The following N4BP2L2 variants were observed in gnomAD, a reference collection of about 807,000 sequenced individuals.
The protein encoded by N4BP2L2 is NEDD4 binding protein 2 like 2.
Under a neutral mutation model 56.2 loss-of-function variants are expected in N4BP2L2, and 50 were observed. The ratio of observed to expected loss-of-function variants is 0.89; its 90% CI spans 0.71 to 1.13. N4BP2L2 has a LOEUF of 1.13. N4BP2L2 is among the 50% of genes most tolerant of loss of function. The pLI is 0.00. For missense variants in N4BP2L2, 689 were observed against 693.8 expected, an observed-to-expected ratio of 0.99 and a Z score of 0.08; for synonymous variants, 203 against 223.6, an observed-to-expected ratio of 0.91 and a Z score of 0.82.
exon 7 of N4BP2L2, chr13:32,442,975 T>C: frequency 1.2e-6 from 2 of 1,613,806 alleles, no homozygotes; most frequent in South Asian, 2.2e-5. Context: ...TAGTCCATGG[T>C]TTTTTGTTAA....
chr13:32,521,282 A>T, intron 5 of N4BP2L2, 91 bp downstream of exon 5: 1 of 1,033,756 alleles, frequency 9.7e-7, no homozygotes, highest in Non-Finnish European at 1.5e-6. Context: ...TCCTGAACCT[A>T]CATTTGTATT....
chr13:32,468,235 C>A (rs934607833), intron 6 of N4BP2L2, among the ~76,000 whole-genome samples: 6 of 123,336 alleles, frequency 4.9e-5, no homozygotes, highest in South Asian at 2.5e-4. Flanking sequence ...ACATTGGAAA[C>A]AACATTGAAG....
At chr13:32,442,475 T>C (rs199935779) in exon 7 of N4BP2L2, 129 of 1,613,424 alleles carry the variant, frequency 8.0e-5, no homozygotes, top group Admixed American at 3.3e-5. Flanking sequence ...CGGTAGTCAG[T>C]GCTTGTTAAG....
chr13:32,452,069 T>C (rs766005368), intron 6 of N4BP2L2, among the ~76,000 whole-genome samples: 5 of 65,018 alleles, frequency 7.7e-5, no homozygotes, highest in East Asian at 3.4e-3. Context: ...TTTTCTTTTT[T>C]TTTTTTTTTG....
At chr13:32,459,049 C>A (rs918434108) in intron 6 of N4BP2L2, among the ~76,000 whole-genome samples, 13 of 152,088 alleles carry the variant, frequency 8.5e-5, no homozygotes, top group African/African-American at 2.9e-4. Flanking sequence ...ACCTTTGGGT[C>A]AACAAAATTA....
chr13:32,437,047 A>AT (rs1326250290), intron 8 of N4BP2L2, among the ~76,000 whole-genome samples: 1 of 151,528 alleles, frequency 6.6e-6, no homozygotes, highest in Non-Finnish European at 1.5e-5. Flanking sequence ...CACACGGCTA[A>AT]TTTTTTTGTG....
chr13:32,466,466 C>T (rs1279352344), intron 6 of N4BP2L2, among the ~76,000 whole-genome samples: 1 of 151,966 alleles, frequency 6.6e-6, no homozygotes, highest in East Asian at 1.9e-4. Context: ...ACTCCAGAGG[C>T]TGAGGCACAA....
chr13:32,442,663 C>T (rs2076552583), exon 7 of N4BP2L2: 1 of 1,613,742 alleles, frequency 6.2e-7, no homozygotes, highest in South Asian at 1.1e-5. Flanking sequence ...ATTACCTACT[C>T]TTGTCTGAGA....
chr13:32,443,107 T>C (rs780402195), exon 7 of N4BP2L2: 1 of 1,610,592 alleles, frequency 6.2e-7, no homozygotes, highest in African/African-American at 1.3e-5. Flanking sequence ...TTCTAAGGCA[T>C]TCTTTGGTAT....
In N4BP2L2 at chr13:32,443,758, A is replaced by T. The variant is rs1408257002; in HGVS notation, c.734T>A (p.Leu245Ter). 1 of 1,572,376 alleles carries T rather than the reference A, an allele frequency of 6.4e-7. No individual in the cohort carries two copies. The highest frequency in any genetic ancestry group is 2.2e-5 in the East Asian group (1 of 44,518). Residue 245 changes from leucine to a stop codon, truncating the protein, a stop_gained, in exon 7 of 10, where the codon TTG (leucine) becomes TAG (stop). Coordinates refer to the N4BP2L2 transcript ENST00000357505. LOFTEE classifies it high-confidence loss of function. ...TGGCCTCAGTAACAAACTTACAAAC[A>T]AGTTATCACCTTCCTTAGAGAGGTA...
chr13:32,446,356 T>C (rs1403165359), intron 6 of N4BP2L2: 7 of 1,365,166 alleles, frequency 5.1e-6, no homozygotes, highest in Non-Finnish European at 5.9e-6. Flanking sequence ...TGGCCAGTTC[T>C]ACCTGATTCC....
exon 7 of N4BP2L2, chr13:32,442,874 G>C (rs752906938): frequency 6.2e-7 from 1 of 1,613,194 alleles, no homozygotes; most frequent in Middle Eastern, 1.6e-4. Flanking sequence ...AACCACAATG[G>C]ATGATGATCA....
chr13:32,529,755 C>T (rs907269453), intron 2 of N4BP2L2, among the ~76,000 whole-genome samples: 8 of 149,884 alleles, frequency 5.3e-5, no homozygotes, highest in African/African-American at 9.8e-5. Flanking sequence ...GACAAGAGTC[C>T]GACTCTATTG....
chr13:32,495,332 G>A (rs777266714), intron 6 of N4BP2L2, among the ~76,000 whole-genome samples: 85 of 152,224 alleles, frequency 5.6e-4, no homozygotes, highest in Non-Finnish European at 1.2e-3. Flanking sequence ...CCATCAACAG[G>A]TTAAGGACTG....
intron 6 of N4BP2L2, among the ~76,000 whole-genome samples, chr13:32,458,469 A>C (rs2079390622): frequency 6.6e-6 from 1 of 152,252 alleles, no homozygotes. Context: ...TAGACATTCC[A>C]TGCAAATGGA....
At chr13:32,450,636 G>GT (rs71071044) in intron 6 of N4BP2L2, among the ~76,000 whole-genome samples, 6 of 148,024 alleles carry the variant, frequency 4.1e-5, no homozygotes, top group Admixed American at 6.7e-5. Context: ...TTTTGTTTTT[G>GT]TTTTTTTTTT....
chr13:32,492,671 A>G (rs1331609802), intron 6 of N4BP2L2, among the ~76,000 whole-genome samples: 1 of 152,182 alleles, frequency 6.6e-6, no homozygotes, highest in African/African-American at 2.4e-5. Context: ...TGTTGGACAC[A>G]GGTAAAACAG....
At chr13:32,505,780 GGTGACATATGTAT>G (rs2090846521), downstream of N4BP2L2, 1 of 152,094 alleles carries the variant, frequency 6.6e-6, no homozygotes, top group Admixed American at 6.5e-5. Flanking sequence ...ATTTATTCAA[GGTGACATATGTAT>G]ACCTCTAAGA....
intron 6 of N4BP2L2, among the ~76,000 whole-genome samples, chr13:32,489,895 A>G (rs776069313): frequency 1.6e-4 from 24 of 152,202 alleles, no homozygotes; most frequent in Non-Finnish European, 2.6e-4. Context: ...TTATGTTATC[A>G]TATAATAAAC....
Sources: allele counts gnomAD v4.1 joint callset (sites outside exome capture counted in the v4.1 genomes callset), GRCh38; gene constraint gnomAD v4.1.1; transcripts MANE v1.5; gene names NCBI Gene and HGNC (gene_info 2026-07-23, HGNC 2026-07-21).